Variants in BLACAT1 observed in about 807,000 individuals in gnomAD.
BLACAT1 encodes the protein BLACAT1 overlapping LEMD1 locus.
intron 1 of BLACAT1, among the ~76,000 whole-genome samples, chr1:205,444,369 G>A (rs567487151): frequency 5.9e-5 from 9 of 152,054 alleles, no homozygotes; most frequent in Admixed American, 4.6e-4. Context: ...GGGCACAGAC[G>A]ATGCCCTGCC....
chr1:205,455,481 A>T (rs1666551270), intron 1 of BLACAT1, among the ~76,000 whole-genome samples: 1 of 152,098 alleles, frequency 6.6e-6, no homozygotes, highest in South Asian at 2.1e-4. Context: ...CAAACCCCTG[A>T]TCCCTAACCC....
At position 205,450,100 on chromosome 1, in the gene BLACAT1, C is replaced by CGGTGGG. The variant is rs560441201; in HGVS notation, c.-37+5811_-37+5816dup. 1.3e-5 allele frequency among the ~76,000 whole-genome samples: 2 copies of CGGTGGG among 151,996 alleles called. No individual in the cohort carries two copies. Among genetic ancestry groups the CGGTGGG allele is most frequent in the African/African-American group, 2.4e-5 (1 of 41,386 alleles). The stretch of plus-strand genomic sequence containing the variant: ...CCGGCCCCTCCCCCAGCCCTGAGGA[C>CGGTGGG]GGTGGGGGTGGGGGTGGGGGCGGGC... On this transcript the variant is annotated intron_variant, in intron 1 of 1. Transcript: ENST00000629624. The surrounding 1 kb of genome is among the most constrained non-coding windows in gnomAD (Gnocchi z 4.4).
rs1313072654 is a variant in BLACAT1 at position 205,450,129 on chromosome 1, G to A, written c.-37+5788C>T. The stretch of plus-strand genomic sequence containing the variant: ...GGGGGTGGGGGTGGGGGCGGGCTGG[G>A]CAGGCGGGGCAGCCAGGTATTCCTT... On this transcript the variant is annotated intron_variant, in intron 1 of 1. Transcript: ENST00000629624. The surrounding 1 kb of genome is among the most constrained non-coding windows in gnomAD (Gnocchi z 4.4). Among the ~76,000 whole-genome samples, 1 of 152,120 alleles carries A rather than the reference G, an allele frequency of 6.6e-6. No homozygotes were observed. The highest frequency in any genetic ancestry group is 1.5e-5 in the Non-Finnish European group (1 of 67,990).
chr1:205,453,378 T>G (rs1666520972), intron 1 of BLACAT1, among the ~76,000 whole-genome samples: 1 of 152,102 alleles, frequency 6.6e-6, no homozygotes, highest in Non-Finnish European at 1.5e-5. Context: ...CCATCTCTAC[T>G]CCAAAGGATG....
At chr1:205,445,821 G>A (rs1319188990) in intron 1 of BLACAT1, among the ~76,000 whole-genome samples, 1 of 152,136 alleles carries the variant, frequency 6.6e-6, no homozygotes, top group East Asian at 1.9e-4. Context: ...GAACCCCAAA[G>A]GTCAAACTTT....
At chr1:205,445,803 G>A (rs976903302) in intron 1 of BLACAT1, among the ~76,000 whole-genome samples, 2 of 152,194 alleles carry the variant, frequency 1.3e-5, no homozygotes, top group South Asian at 2.1e-4. Flanking sequence ...GACTGTCAGC[G>A]CCAGAATGAA....
rs998913745 is a variant in BLACAT1, at chr1:205,441,195, C to G, written c.-36-133G>C. 1.3e-5 allele frequency: 2 copies of G among 152,308 alleles called. No homozygotes were observed. The highest frequency in any genetic ancestry group is 2.9e-5 in the Non-Finnish European group (2 of 68,162). 9.4% of individuals were successfully genotyped at this position (152,308 alleles called of 1,614,324 possible). ...CACTCCCTGAGGCGGCCCGCTAGGT[C>G]TCTCACACCGGCTGGGGGAGGAGTC... On this transcript the variant is annotated intron_variant, in intron 1 of 1. Transcript: ENST00000629624. The surrounding 1 kb of genome is among the most constrained non-coding windows in gnomAD (Gnocchi z 4.3).
intron 1 of BLACAT1, among the ~76,000 whole-genome samples, chr1:205,449,381 C>T (rs570485298): frequency 3.9e-5 from 6 of 152,136 alleles, no homozygotes; most frequent in Non-Finnish European, 5.9e-5. Flanking sequence ...GGCCTCAGAC[C>T]TCTCCCAGGG....
At chr1:205,446,158 T>C (rs768143284) in intron 1 of BLACAT1, among the ~76,000 whole-genome samples, 6 of 152,250 alleles carry the variant, frequency 3.9e-5, no homozygotes, top group Non-Finnish European at 8.8e-5. Context: ...AACTTGCTTA[T>C]TCAATGCAAT....
At chr1:205,446,508 C>T (rs1666391445) in intron 1 of BLACAT1, among the ~76,000 whole-genome samples, 1 of 152,236 alleles carries the variant, frequency 6.6e-6, no homozygotes, top group Non-Finnish European at 1.5e-5. Flanking sequence ...TGTACCCTTC[C>T]TCCTAGGCTG....
chr1:205,445,237 C>T (rs898368045), intron 1 of BLACAT1, among the ~76,000 whole-genome samples: 5 of 152,296 alleles, frequency 3.3e-5, no homozygotes, highest in Middle Eastern at 3.4e-3. Flanking sequence ...CCCACCCCTT[C>T]CCCCAAAGCC....
rs1467521585 is a variant in BLACAT1, at chr1:205,450,031, G to T, written c.-37+5886C>A. The stretch of plus-strand genomic sequence containing the variant: ...TCCCTCCCCCTGCCCGCCCACCACC[G>T]GCCAGGGCTGAGCTGTACCCAACTC... On this transcript the variant is annotated intron_variant, in intron 1 of 1. Coordinates refer to ENST00000629624, the Ensembl canonical transcript of BLACAT1. This position sits in a 1 kb window ranked among gnomAD's most constrained non-coding sequence, Gnocchi z 4.4. 1 of 151,636 alleles carries T rather than the reference G, an allele frequency of 6.6e-6. No homozygotes were observed. The highest frequency in any genetic ancestry group is 1.5e-5 in the Non-Finnish European group (1 of 68,056). The allele number at this position is 151,636 out of a possible 1,614,324, so 9.4% of individuals were successfully genotyped here.
chr1:205,452,982 T>C (rs1445544505), intron 1 of BLACAT1, among the ~76,000 whole-genome samples: 2 of 152,074 alleles, frequency 1.3e-5, no homozygotes, highest in Non-Finnish European at 2.9e-5. Flanking sequence ...TGCTTGGAGC[T>C]CCCTTATGCC....
At chr1:205,438,753 G>C (rs1423580394), downstream of BLACAT1, among the ~76,000 whole-genome samples, 4 of 151,938 alleles carry the variant, frequency 2.6e-5, no homozygotes. Flanking sequence ...TTGACCTTGG[G>C]ACCCCACCCA....
At chr1:205,443,382 C>T (rs1666329646) in intron 1 of BLACAT1, among the ~76,000 whole-genome samples, 2 of 91,518 alleles carry the variant, frequency 2.2e-5, no homozygotes, top group Admixed American at 2.7e-4. Context: ...TGACCCGTTC[C>T]TCCCCAGGGT....
At chr1:205,437,792 A>T (rs955964362), downstream of BLACAT1, 1 of 152,212 alleles carries the variant, frequency 6.6e-6, no homozygotes, top group Non-Finnish European at 1.5e-5. Flanking sequence ...ATAAGACATG[A>T]CTAGTCTAAG....
Position 205,450,803 on chromosome 1 carries a change from G to A in BLACAT1, c.-37+5114C>T, listed in dbSNP as rs779319134. On this transcript the variant is annotated intron_variant, in intron 1 of 1. Coordinates refer to ENST00000629624, the Ensembl canonical transcript of BLACAT1. This position sits in a 1 kb window ranked among gnomAD's most constrained non-coding sequence, Gnocchi z 4.4. Reference sequence around the variant, plus strand: ...GGGACTGGGCTGGGGATGGAGGTGGGGACAGCCATCATGTCTCAGGCTGGA... The same window carrying A: ...GGGACTGGGCTGGGGATGGAGGTGGAGACAGCCATCATGTCTCAGGCTGGA... 6.6e-6 allele frequency among the ~76,000 whole-genome samples: 1 copy of A among 152,162 alleles called. No homozygotes were observed. Among genetic ancestry groups the A allele is most frequent in the African/African-American group, 2.4e-5 (1 of 41,424 alleles).
intron 1 of BLACAT1, among the ~76,000 whole-genome samples, chr1:205,451,779 T>G (rs140880265): frequency 6.6e-6 from 1 of 152,124 alleles, no homozygotes; most frequent in African/African-American, 2.4e-5. Context: ...GTGTCATGCA[T>G]CTAGGTCCCC....
At chr1:205,438,142 A>G (rs955745849), downstream of BLACAT1, among the ~76,000 whole-genome samples, 1 of 152,202 alleles carries the variant, frequency 6.6e-6, no homozygotes, top group Non-Finnish European at 1.5e-5. Flanking sequence ...TCTTCCATTC[A>G]GCAGCCTGAA....
Sources: gnomAD v4.1 joint callset for allele counts (sites outside exome capture counted in the v4.1 genomes callset) on GRCh38, gnomAD v4.1.1 for gene constraint, Gnocchi (gnomAD v3.1) non-coding constraint, MANE v1.5 for transcripts, NCBI Gene and HGNC (gene_info 2026-07-23, HGNC 2026-07-21) for gene names.